The following ATRNL1 variants were observed in gnomAD, a reference collection of about 807,000 sequenced individuals.
ATRNL1 encodes the protein attractin-like protein 1.
In ATRNL1, 95 loss-of-function variants were observed where a neutral mutation model predicts 182.7. The ratio of observed to expected loss-of-function variants is 0.52; its 90% CI spans 0.44 to 0.62. The LOEUF (loss-of-function observed/expected upper bound fraction) is 0.62. ATRNL1 is among the 20% of genes least tolerant of loss of function. The probability of loss-of-function intolerance (pLI) is 0.00; values close to 1 mark genes in which losing one functional copy is unlikely to be tolerated. For synonymous variants in ATRNL1, 576 were observed against 568.3 expected (o/e 1.01, Z -0.19); for missense variants, 1,471 against 1,679.5 (o/e 0.88, Z 2.17).
intron 26 of ATRNL1, among the ~76,000 whole-genome samples, chr10:115,616,693 G>A (rs1857445041): frequency 6.6e-6 from 1 of 152,206 alleles, no homozygotes. Flanking sequence ...AAGGCCAAAA[G>A]GACCGAGGTA....
intron 9 of ATRNL1, among the ~76,000 whole-genome samples, chr10:115,223,207 G>A (rs1194022267): frequency 3.3e-5 from 5 of 152,152 alleles, no homozygotes; most frequent in Admixed American, 3.3e-4. Context: ...CTTGTACCCG[G>A]GAGGCAGAGG....
chr10:115,256,002 G>A (rs1851111896), intron 10 of ATRNL1, among the ~76,000 whole-genome samples: 1 of 152,124 alleles, frequency 6.6e-6, no homozygotes, highest in Non-Finnish European at 1.5e-5. Flanking sequence ...TGATCGTGGT[G>A]GATAAGCTTT....
chr10:115,219,189 G>A (rs868961863), intron 9 of ATRNL1, among the ~76,000 whole-genome samples: 6 of 146,034 alleles, frequency 4.1e-5, no homozygotes, highest in Non-Finnish European at 8.9e-5. Flanking sequence ...CTGAGATCGC[G>A]CCACTGCACT....
chr10:115,134,596 T>A (rs555136435), intron 5 of ATRNL1, among the ~76,000 whole-genome samples: 136 of 152,352 alleles, frequency 8.9e-4, no homozygotes, highest in African/African-American at 3.1e-3. Flanking sequence ...AGGTGAATTA[T>A]ACCAGAGGTA....
intron 24 of ATRNL1, among the ~76,000 whole-genome samples, chr10:115,506,150 C>T (rs1195260635): frequency 1.3e-5 from 2 of 151,926 alleles, no homozygotes; most frequent in African/African-American, 4.8e-5. Flanking sequence ...ACTACACCAC[C>T]TTTGTGTGCA....
chr10:115,209,246 C>G (rs1454419170), intron 8 of ATRNL1, among the ~76,000 whole-genome samples: 1 of 151,400 alleles, frequency 6.6e-6, no homozygotes, highest in Non-Finnish European at 1.5e-5. Flanking sequence ...TTATTTCTTT[C>G]TCTTTACTTC....
At chr10:115,166,611 G>A (rs982883590) in intron 7 of ATRNL1, among the ~76,000 whole-genome samples, 2 of 151,786 alleles carry the variant, frequency 1.3e-5, no homozygotes, top group African/African-American at 4.8e-5. Flanking sequence ...GACCTAATGA[G>A]TATCTCACTG....
intron 21 of ATRNL1, among the ~76,000 whole-genome samples, chr10:115,451,095 C>T (rs1554967556): frequency 6.6e-6 from 1 of 152,152 alleles, no homozygotes; most frequent in African/African-American, 2.4e-5. Flanking sequence ...GGACCCCTTC[C>T]TTACACCATA....
intron 1 of ATRNL1, among the ~76,000 whole-genome samples, chr10:115,118,566 C>T (rs1373788204): frequency 1.3e-5 from 2 of 152,044 alleles, no homozygotes; most frequent in South Asian, 2.1e-4. Context: ...ACTTCTGGTA[C>T]ACCACTATTT....
At position 115,093,615 on chromosome 10, in the gene ATRNL1, A is replaced by G; in HGVS notation, c.-136A>G. 1 of 1,000,170 alleles carries G rather than the reference A, an allele frequency of 1.0e-6. No homozygotes were observed. Among genetic ancestry groups the G allele is most frequent in the Non-Finnish European group, 1.5e-6 (1 of 671,798 alleles). 62.0% of individuals were successfully genotyped at this position (1,000,170 alleles called of 1,614,324 possible). ...TGGGATCTGTCCCTCCTGACCGGGG[A>G]GCGGGACTCGGACGGGCGCCGGTGA... On this transcript the variant is annotated 5_prime_UTR_variant, in exon 1 of 29. Transcript: ENST00000355044. The surrounding 1 kb of genome is among the most constrained non-coding windows in gnomAD (Gnocchi z 6.1).
intron 19 of ATRNL1, among the ~76,000 whole-genome samples, chr10:115,366,711 C>G (rs1191692054): frequency 6.6e-6 from 1 of 151,602 alleles, no homozygotes; most frequent in Non-Finnish European, 1.5e-5. Flanking sequence ...TAGGGCAGGC[C>G]TGGTGGTGAC....
chr10:115,528,041 C>T (rs1232315432), intron 25 of ATRNL1, among the ~76,000 whole-genome samples: 2 of 44,896 alleles, frequency 4.5e-5, no homozygotes, highest in Non-Finnish European at 9.3e-5. Flanking sequence ...TTCCTTTCTT[C>T]CTTCCTTCCT....
chr10:115,153,557 A>G (rs549077784), intron 5 of ATRNL1, among the ~76,000 whole-genome samples: 2 of 152,136 alleles, frequency 1.3e-5, no homozygotes, highest in African/African-American at 4.8e-5. Flanking sequence ...CGGTGGTGAT[A>G]TCCCCTTTAT....
chr10:115,605,741 C>T (rs939157179), intron 26 of ATRNL1, among the ~76,000 whole-genome samples: 1 of 151,840 alleles, frequency 6.6e-6, no homozygotes, highest in Non-Finnish European at 1.5e-5. Flanking sequence ...ATATCAGTGA[C>T]TCTCATTCAT....
chr10:115,203,105 A>G (rs1456854340), intron 8 of ATRNL1, among the ~76,000 whole-genome samples: 2 of 152,120 alleles, frequency 1.3e-5, no homozygotes, highest in African/African-American at 4.8e-5. Flanking sequence ...GTCATTGTGG[A>G]AGTATGAAAT....
intron 19 of ATRNL1, among the ~76,000 whole-genome samples, chr10:115,379,237 C>CCTT (rs782509422): frequency 5.3e-5 from 8 of 152,038 alleles, no homozygotes; most frequent in Non-Finnish European, 1.2e-4. Context: ...CTGTATAATG[C>CCTT]CTTCATAGGT....
chr10:115,865,565 C>T (rs1951421755), intron 28 of ATRNL1, among the ~76,000 whole-genome samples: 1 of 152,140 alleles, frequency 6.6e-6, no homozygotes, highest in African/African-American at 2.4e-5. Flanking sequence ...TAAGTAGTCT[C>T]ACTGTATTCT....
chr10:115,133,995 C>A (rs1437728744), intron 5 of ATRNL1, among the ~76,000 whole-genome samples: 6 of 151,928 alleles, frequency 3.9e-5, no homozygotes, highest in African/African-American at 1.2e-4. Flanking sequence ...TTCTTGAAAC[C>A]AATGAGAACA....
chr10:115,626,854 G>A (rs1555024794), intron 26 of ATRNL1, among the ~76,000 whole-genome samples: 1 of 152,108 alleles, frequency 6.6e-6, no homozygotes, highest in African/African-American at 2.4e-5. Context: ...TCCTAATGCA[G>A]AAATCATCAA....
Sources: gnomAD v4.1 joint callset for allele counts (sites outside exome capture counted in the v4.1 genomes callset) on GRCh38, gnomAD v4.1.1 for gene constraint, Gnocchi (gnomAD v3.1) non-coding constraint, MANE v1.5 for transcripts, NCBI Gene and HGNC (gene_info 2026-07-23, HGNC 2026-07-21) for gene names.